The following XXYLT1 variants were observed in gnomAD, a reference collection of about 807,000 sequenced individuals.
XXYLT1 encodes the protein xyloside xylosyltransferase 1.
Under a neutral mutation model 28.9 loss-of-function variants are expected in XXYLT1, and 20 were observed. The ratio of observed to expected loss-of-function variants is 0.69; its 90% confidence interval spans 0.49 to 1.00. XXYLT1 has a LOEUF of 1.00. Ranked by LOEUF, XXYLT1 falls within the 50% of genes least tolerant of loss-of-function variation. The pLI, the probability that XXYLT1 is intolerant of heterozygous loss-of-function variation, is 0.00. For missense variants in XXYLT1, 542 were observed against 560.1 expected, an observed-to-expected ratio of 0.97 and a Z score of 0.33; for synonymous variants, 257 against 253.8, an observed-to-expected ratio of 1.01 and a Z score of -0.12.
chr3:195,234,309 A>ATTTTTTT (rs35536915), intron 1 of XXYLT1, among the ~76,000 whole-genome samples: 1 of 66,890 alleles, frequency 1.5e-5, no homozygotes, highest in Non-Finnish European at 2.7e-5. Flanking sequence ...TGTTTGAAGG[A>ATTTTTTT]TTTTTTTTTT....
intron 2 of XXYLT1, chr3:195,184,825 A>G: frequency 1.0e-6 from 1 of 985,352 alleles, no homozygotes; most frequent in Non-Finnish European, 1.2e-6. Context: ...GTTCCCTTTC[A>G]GGCCAAATCA....
intron 3 of XXYLT1, chr3:195,146,787 C>G (rs779673284): frequency 6.6e-6 from 1 of 152,642 alleles, no homozygotes; most frequent in Non-Finnish European, 1.5e-5. Context: ...CAGGCGTAAT[C>G]CCATTACTAA....
In XXYLT1 at chr3:195,124,019, G is replaced by A. The variant is rs770080315; in HGVS notation, c.785+32430C>T. On this transcript the variant is annotated intron_variant, in intron 3 of 3. Transcript: ENST00000310380. The surrounding 1 kb of genome is among the most constrained non-coding windows in gnomAD (Gnocchi z 4.1). ...AAGCTAGACAGGACTGTGTACTTCA[G>A]GACTTCTAGGAGCCTTTAGTGTGCT... is the stretch of plus-strand genomic sequence containing the variant. Among the ~76,000 whole-genome samples, 5 of 152,254 alleles carry A rather than the reference G, an allele frequency of 3.3e-5. No homozygotes were observed. The highest frequency in any genetic ancestry group is 2.9e-5 in the Non-Finnish European group (2 of 68,050).
intron 1 of XXYLT1, among the ~76,000 whole-genome samples, chr3:195,242,338 G>A (rs1312981662): frequency 6.6e-6 from 1 of 152,102 alleles, no homozygotes; most frequent in Non-Finnish European, 1.5e-5. Context: ...CCTTTAACCT[G>A]CTAGACAGAA....
At chr3:195,103,341 GACCTGCGTCCATCA>G (rs1266880655) in intron 3 of XXYLT1, among the ~76,000 whole-genome samples, 15 of 151,098 alleles carry the variant, frequency 9.9e-5, no homozygotes, top group Non-Finnish European at 1.6e-4. Flanking sequence ...CCACGCCAGC[GACCTGCGTCCATCA>G]CCCCACGCCA....
chr3:195,209,664 G>C lies in XXYLT1; in HGVS notation c.652+17045C>G, dbSNP rs913954033. 5.3e-5 allele frequency: 8 copies of C among 152,354 alleles called. No individual in the cohort carries two copies. The highest frequency in any genetic ancestry group is 4.6e-4 in the Admixed American group (7 of 15,250). 9.4% of individuals were successfully genotyped at this position (152,354 alleles called of 1,614,324 possible). ...GTGTGGGTCTGAACCAGAGAAAAAG[G>C]CTGCAGCACAGGAGGGATGACCGGG... is the stretch of plus-strand genomic sequence containing the variant. On this transcript the variant is annotated intron_variant, in intron 2 of 3. Coordinates refer to ENST00000310380, the MANE Select transcript of XXYLT1 (RefSeq NM_152531.5). The surrounding 1 kb of genome is among the most constrained non-coding windows in gnomAD (Gnocchi z 5.0).
chr3:195,147,430 C>T (rs1445395930), intron 3 of XXYLT1, among the ~76,000 whole-genome samples: 1 of 152,136 alleles, frequency 6.6e-6, no homozygotes, highest in African/African-American at 2.4e-5. Flanking sequence ...ATTAGCCAGG[C>T]ATGGTGGTCA....
At chr3:195,254,794 G>T (rs116318315) in intron 1 of XXYLT1, among the ~76,000 whole-genome samples, 1 of 152,258 alleles carries the variant, frequency 6.6e-6, no homozygotes, top group South Asian at 2.1e-4. Flanking sequence ...AAACAGCTGC[G>T]CTGTGCACAT....
intron 1 of XXYLT1, among the ~76,000 whole-genome samples, chr3:195,258,671 G>C (rs970692731): frequency 6.6e-6 from 1 of 152,224 alleles, no homozygotes; most frequent in Non-Finnish European, 1.5e-5. Context: ...GGCCCCTGGG[G>C]AAGGGACGTG....
Position 195,270,588 on chromosome 3 carries a change from C to T in XXYLT1, c.471G>A (p.Glu157=). 7.2e-7 allele frequency: 1 copy of T among 1,387,928 alleles called. No homozygotes were observed. Among genetic ancestry groups the T allele is most frequent in the Non-Finnish European group, 9.3e-7 (1 of 1,073,378 alleles). 86.0% of individuals were successfully genotyped at this position (1,387,928 alleles called of 1,614,324 possible). A position where few individuals can be genotyped will look rare whatever the true frequency, so the allele number is the denominator to read the frequency against. ...TGAAGCCAGCGGCGGGCGGCAGGAG[C>T]TCCCGCAGCAGGCCCTTGGCCACCT... ...SREVAKGLLR[E]LLPPAAGFKC... Residue 157 remains glutamate (E), a synonymous_variant, in exon 1 of 4, where the codon GAG becomes GAA. Transcript: ENST00000310380.
rs879345057 is a variant in XXYLT1 at position 195,104,219 on chromosome 3, G to A, written c.786-34108C>T. Reference sequence around the variant, plus strand: ...GCTCCGTGTGTGTGTGTGTGTGTGTGTGTGTGTGTGTGTGTGTGTGTGTGT... The same window carrying A: ...GCTCCGTGTGTGTGTGTGTGTGTGTATGTGTGTGTGTGTGTGTGTGTGTGT... On this transcript the variant is annotated intron_variant, in intron 3 of 3. Coordinates refer to ENST00000310380, the MANE Select transcript of XXYLT1 (RefSeq NM_152531.5). Among the ~76,000 whole-genome samples, 96 of 147,244 alleles carry A rather than the reference G, an allele frequency of 6.5e-4. 1 individual carries two copies. Among genetic ancestry groups the A allele is most frequent in the Admixed American group, 4.4e-3 (66 of 14,832 alleles).
intron 3 of XXYLT1, among the ~76,000 whole-genome samples, chr3:195,135,103 C>G (rs895196008): frequency 2.0e-5 from 3 of 152,108 alleles, no homozygotes; most frequent in Non-Finnish European, 4.4e-5. Flanking sequence ...CAAACTCATC[C>G]AATCATCAAA....
intron 3 of XXYLT1, among the ~76,000 whole-genome samples, chr3:195,102,503 T>A (rs1486302970): frequency 6.6e-6 from 1 of 152,212 alleles, no homozygotes; most frequent in Non-Finnish European, 1.5e-5. Flanking sequence ...CAGCTTTTCC[T>A]CTTTTTAAAA....
At chr3:195,228,759 A>G (rs570852980) in intron 1 of XXYLT1, among the ~76,000 whole-genome samples, 24 of 150,158 alleles carry the variant, frequency 1.6e-4, no homozygotes, top group African/African-American at 5.7e-4. Context: ...AAGTGCTGGG[A>G]TTACAGGCAT....
chr3:195,103,739 G>C (rs934314816), intron 3 of XXYLT1, among the ~76,000 whole-genome samples: 1 of 151,260 alleles, frequency 6.6e-6, no homozygotes, highest in Admixed American at 6.6e-5. Context: ...AGAAACTAGG[G>C]AAAAAAAAAT....
chr3:195,262,773 T>C (rs1452843161), intron 1 of XXYLT1, among the ~76,000 whole-genome samples: 1 of 152,222 alleles, frequency 6.6e-6, no homozygotes, highest in Non-Finnish European at 1.5e-5. Flanking sequence ...CTTAGATCTG[T>C]GATCATAAAG....
chr3:195,252,157 T>C (rs1327010396), intron 1 of XXYLT1, among the ~76,000 whole-genome samples: 1 of 152,210 alleles, frequency 6.6e-6, no homozygotes, highest in Non-Finnish European at 1.5e-5. Flanking sequence ...GCTGAAAACA[T>C]ACAAAGCAGT....
rs189283743 is a variant in XXYLT1 at position 195,148,522 on chromosome 3, G to A, written c.785+7927C>T. Among the ~76,000 whole-genome samples, 451 of 152,200 alleles carry A rather than the reference G, an allele frequency of 3.0e-3. 10 individuals are homozygous for A. Among genetic ancestry groups the A allele is most frequent in the Admixed American group, 0.027 (413 of 15,298 alleles). ...TCAGAGAGACGAAAAGAACCCAATA[G>A]CTTTTATCTTCAAGTCCTACATTTA... On this transcript the variant is annotated intron_variant, in intron 3 of 3. Coordinates refer to ENST00000310380, the MANE Select transcript of XXYLT1 (RefSeq NM_152531.5).
intron 3 of XXYLT1, among the ~76,000 whole-genome samples, chr3:195,119,635 CACG>C (rs1447674924): frequency 2.0e-5 from 3 of 148,788 alleles, no homozygotes; most frequent in Non-Finnish European, 4.5e-5. Flanking sequence ...AGCTACATTC[CACG>C]ACAATGAGCT....
Sources: gnomAD v4.1 joint callset for allele counts (sites outside exome capture counted in the v4.1 genomes callset) on GRCh38, gnomAD v4.1.1 for gene constraint, Gnocchi (gnomAD v3.1) non-coding constraint, MANE v1.5 for transcripts, NCBI Gene and HGNC (gene_info 2026-07-23, HGNC 2026-07-21) for gene names.